The following MYO18A variants were observed in gnomAD, a reference collection of about 807,000 sequenced individuals.
The protein encoded by MYO18A is myosin XVIIIA.
Under a neutral mutation model 235.8 loss-of-function variants are expected in MYO18A, and 78 were observed. That is an observed-to-expected ratio of 0.33 (90% CI 0.28 to 0.40). The LOEUF (loss-of-function observed/expected upper bound fraction) is 0.40, where lower values mean the gene tolerates loss of function less well. Ranked by LOEUF, MYO18A falls within the 10% of genes least tolerant of loss-of-function variation. The pLI, the probability that MYO18A is intolerant of heterozygous loss-of-function variation, is 1.00. For missense variants in MYO18A, 2,215 were observed against 2,699.3 expected, an observed-to-expected ratio of 0.82 and a Z score of 3.98; for synonymous variants, 977 against 1,077.8, an observed-to-expected ratio of 0.91 and a Z score of 1.83.
At chr17:29,149,223 G>A (rs1216146987) in intron 2 of MYO18A, among the ~76,000 whole-genome samples, 4 of 152,240 alleles carry the variant, frequency 2.6e-5, no homozygotes, top group African/African-American at 9.6e-5. Flanking sequence ...GATGAGCTCG[G>A]TGCCCACTTT....
chr17:29,145,450 A>G (rs2067827677), intron 2 of MYO18A, among the ~76,000 whole-genome samples: 1 of 152,188 alleles, frequency 6.6e-6, no homozygotes, highest in Admixed American at 6.5e-5. Context: ...GCCAGACAGG[A>G]GGCTCTGAGG....
chr17:29,154,633 C>T (rs1010907580), intron 2 of MYO18A, among the ~76,000 whole-genome samples: 4 of 152,190 alleles, frequency 2.6e-5, no homozygotes, highest in Non-Finnish European at 5.9e-5. Context: ...AGTGGGGACT[C>T]GACCCAGCCT....
rs1431745920 is a variant in MYO18A, at chr17:29,087,016, T to C, written c.5632A>G (p.Arg1878Gly). The C allele has an allele frequency of 6.2e-7, 1 of 1,614,036 alleles. No homozygotes were observed. The highest frequency in any genetic ancestry group is 8.5e-7 in the Non-Finnish European group (1 of 1,179,896). The change falls in exon 38 of 42, where the codon AGG becomes GGG. Residue 1878 changes from arginine (R) to glycine (G), a missense_variant. Coordinates refer to ENST00000527372, the MANE Select transcript of MYO18A (RefSeq NM_078471.4). ...TCCTCCTTGGTGTCCCGGAGCTGCC[T>C]CTGTAGCCGCTTGTTCTGTTCCTTC... ...REKEQNKRLQ[R>G]QLRDTKEEMG...
intron 2 of MYO18A, among the ~76,000 whole-genome samples, chr17:29,159,819 C>A (rs1218034382): frequency 6.6e-6 from 1 of 152,214 alleles, no homozygotes; most frequent in Non-Finnish European, 1.5e-5. Context: ...CTCTCCTGTC[C>A]TTCTCCCAGA....
chr17:29,075,704 C>T (rs1047219467), intron 41 of MYO18A: 2 of 162,416 alleles, frequency 1.2e-5, no homozygotes. Flanking sequence ...GGGACCTCAT[C>T]TCACAGCTCC....
chr17:29,169,732 C>CA (rs1456504821), intron 1 of MYO18A, among the ~76,000 whole-genome samples: 3 of 152,128 alleles, frequency 2.0e-5, no homozygotes, highest in African/African-American at 7.2e-5. Context: ...ATGGGACAAA[C>CA]AAGAGTATCA....
At chr17:29,177,466 G>A (rs977004773) in intron 1 of MYO18A, among the ~76,000 whole-genome samples, 1 of 152,242 alleles carries the variant, frequency 6.6e-6, no homozygotes, top group Admixed American at 6.5e-5. Flanking sequence ...AAGGTGGGAA[G>A]TGGAGGCTCA....
chr17:29,105,469 C>T (rs1290071439), intron 20 of MYO18A, among the ~76,000 whole-genome samples: 1 of 151,992 alleles, frequency 6.6e-6, no homozygotes, highest in Non-Finnish European at 1.5e-5. Context: ...GAAGTGAATT[C>T]ACACTGATGG....
chr17:29,093,939 C>T (rs1451275658), intron 31 of MYO18A, 41 bp downstream of exon 31: 2 of 1,420,342 alleles, frequency 1.4e-6, no homozygotes, highest in South Asian at 1.2e-5. Context: ...GTGATGGGAA[C>T]AGGTGTTTAC....
In MYO18A at chr17:29,084,971, G is replaced by A. The variant is rs547902647; in HGVS notation, c.5897+633C>T. Among the ~76,000 whole-genome samples the A allele has an allele frequency of 5.3e-5, 8 of 152,190 alleles. No homozygotes were observed. The South Asian group carries it at 6.2e-4, about 12-fold the overall frequency. The stretch of plus-strand genomic sequence containing the variant: ...GCCACCTGACAGTACCAGCACAAGC[G>A]CCCGCTGGGGCCTCCCTCTGCCCAC... On this transcript the variant is annotated intron_variant, in intron 40 of 41. Coordinates refer to ENST00000527372, the MANE Select transcript of MYO18A (RefSeq NM_078471.4).
chr17:29,179,360 C>T (rs1567654806), intron 1 of MYO18A, among the ~76,000 whole-genome samples: 1 of 151,830 alleles, frequency 6.6e-6, no homozygotes. Flanking sequence ...CCATCTCCAC[C>T]CCCAAAACAA....
chr17:29,151,502 A>G (rs1228876182), intron 2 of MYO18A, among the ~76,000 whole-genome samples: 1 of 151,984 alleles, frequency 6.6e-6, no homozygotes, highest in African/African-American at 2.4e-5. Flanking sequence ...CTATCCACAC[A>G]TGCCTTGCCT....
chr17:29,073,810 C>T lies in MYO18A; in HGVS notation c.*960G>A. 1 of 1,547,724 alleles carries T rather than the reference C, an allele frequency of 6.5e-7. No individual in the cohort carries two copies. The highest frequency in any genetic ancestry group is 8.8e-7 in the Non-Finnish European group (1 of 1,139,040). ...AGTGAGGACTCATGTCTAATGAGCA[C>T]CGGCCAAAACTTCCATCTTCAGTTT... On this transcript the variant is annotated 3_prime_UTR_variant, in exon 42 of 42. Coordinates refer to ENST00000527372, the MANE Select transcript of MYO18A (RefSeq NM_078471.4).
chr17:29,099,040 C>T, intron 22 of MYO18A, 71 bp from the exon 23 acceptor site: 3 of 1,584,856 alleles, frequency 1.9e-6, no homozygotes, highest in Non-Finnish European at 1.7e-6. Context: ...CCAGGATCCT[C>T]CCCACCACCA....
rs1002822645 is a variant in MYO18A at position 29,097,255 on chromosome 17, C to G, written c.4198G>C (p.Glu1400Gln). The G allele has an allele frequency of 3.7e-6, 6 of 1,611,014 alleles. No individual in the cohort carries two copies. The African/African-American group carries it at 8.0e-5, about 22-fold the overall frequency. Residue 1400 changes from glutamate (E) to glutamine (Q), a missense_variant, in exon 27 of 42, where the codon GAG (glutamate) becomes CAG (glutamine). Physicochemically the swap from Glu to Gln is conservative, Grantham distance 29. Transcript: ENST00000527372. ...TCCAGCTGCCTCTTGTTCTGCTGCT[C>G]CACCTCCAGCTTGTCCTCAAACTCC... is the stretch of plus-strand genomic sequence containing the variant. The part of the protein sequence containing the change: ...QQEFEDKLEV[E>Q]QQNKRQLERR...
intron 22 of MYO18A, among the ~76,000 whole-genome samples, chr17:29,099,259 T>G (rs1353264637): frequency 6.6e-6 from 1 of 152,254 alleles, no homozygotes; most frequent in Non-Finnish European, 1.5e-5. Flanking sequence ...TCCAGCACCC[T>G]GGCCTAGCTG....
At chr17:29,082,491 C>A in intron 40 of MYO18A, 53 bp from the exon 41 acceptor site, 2 of 1,577,986 alleles carry the variant, frequency 1.3e-6, no homozygotes, top group Non-Finnish European at 8.6e-7. Flanking sequence ...CTGCTGCCCA[C>A]GAGGGGAGCA....
chr17:29,106,977 C>A lies in MYO18A; in HGVS notation c.3441+103G>T. 1 of 1,136,556 alleles carries A rather than the reference C, an allele frequency of 8.8e-7. No homozygotes were observed. The highest frequency in any genetic ancestry group is 1.3e-6 in the Non-Finnish European group (1 of 762,576). 70.4% of individuals were successfully genotyped at this position (1,136,556 alleles called of 1,614,324 possible). Reference sequence around the variant, plus strand: ...TCCAAAACTGGGAGCCTGAGCAGGGCCAGATGAGCTGTCTCCAGGGAAGGG... The same window carrying A: ...TCCAAAACTGGGAGCCTGAGCAGGGACAGATGAGCTGTCTCCAGGGAAGGG... On this transcript the variant is annotated intron_variant, in intron 20 of 41. Transcript: ENST00000527372. The surrounding 1 kb of genome is among the most constrained non-coding windows in gnomAD (Gnocchi z 4.6).
intron 31 of MYO18A, 74 bp from the exon 32 acceptor site, chr17:29,093,501 G>T: frequency 8.6e-7 from 1 of 1,160,320 alleles, no homozygotes; most frequent in Non-Finnish European, 1.3e-6. Context: ...TCCATTCTGG[G>T]TTCCCCACTC....
Sources: gnomAD v4.1 joint callset for allele counts (sites outside exome capture counted in the v4.1 genomes callset) on GRCh38, gnomAD v4.1.1 for gene constraint, Gnocchi (gnomAD v3.1) non-coding constraint, MANE v1.5 for transcripts, NCBI Gene and HGNC (gene_info 2026-07-23, HGNC 2026-07-21) for gene names.